EGF: variants seen among roughly 807,000 people sequenced by gnomAD.
EGF encodes the protein epidermal growth factor.
In EGF, 95 loss-of-function variants were observed where a neutral mutation model predicts 143.8. The ratio of observed to expected loss-of-function variants is 0.66; its 90% CI spans 0.56 to 0.78. The LOEUF is 0.78. Ranked by LOEUF, EGF falls within the 30% of genes least tolerant of loss-of-function variation. The pLI is 0.00. For synonymous variants in EGF, 510 were observed against 510.5 expected, an observed-to-expected ratio of 1.00 and a Z score of 0.01; for missense variants, 1,320 against 1,470.9, an observed-to-expected ratio of 0.90 and a Z score of 1.68.
intron 1 of EGF, among the ~76,000 whole-genome samples, chr4:109,926,343 A>C (rs900297344): frequency 6.8e-6 from 1 of 146,284 alleles, no homozygotes; most frequent in African/African-American, 2.5e-5. Flanking sequence ...ACAGAGTGAG[A>C]CACTGTCTTT....
At chr4:109,973,875 G>A (rs946636776) in intron 11 of EGF, among the ~76,000 whole-genome samples, 11 of 152,084 alleles carry the variant, frequency 7.2e-5, no homozygotes, top group African/African-American at 2.7e-4. Flanking sequence ...AGATTCCATT[G>A]GGTTATTTAA....
intron 10 of EGF, 100 bp from the exon 11 acceptor site, chr4:109,968,871 A>G (rs1747095098): frequency 1.3e-6 from 2 of 1,530,728 alleles, no homozygotes; most frequent in African/African-American, 2.7e-5. Flanking sequence ...TCCAAAGTCA[A>G]GCTCTTAACA....
intron 20 of EGF, among the ~76,000 whole-genome samples, chr4:109,997,018 G>T (rs1345135198): frequency 6.6e-6 from 1 of 151,330 alleles, no homozygotes; most frequent in African/African-American, 2.4e-5. Context: ...TTTTTCAGGA[G>T]ACCATCGTCT....
chr4:109,998,900 GATA>G (rs1239733491), intron 20 of EGF, among the ~76,000 whole-genome samples: 3 of 152,214 alleles, frequency 2.0e-5, no homozygotes, highest in African/African-American at 7.2e-5. Context: ...TTTTGCAAAG[GATA>G]ATAGAATACA....
At chr4:109,983,369 T>A (rs1749668791) in intron 15 of EGF, 53 bp from the exon 16 acceptor site, 1 of 1,596,080 alleles carries the variant, frequency 6.3e-7, no homozygotes, top group African/African-American at 1.3e-5. Flanking sequence ...AAATCAAACT[T>A]TTTTTTTGAA....
chr4:109,967,183 C>T (rs889247289), intron 10 of EGF, among the ~76,000 whole-genome samples: 2 of 152,096 alleles, frequency 1.3e-5, no homozygotes, highest in African/African-American at 2.4e-5. Flanking sequence ...CAGGCTTACA[C>T]CTAAGTGTTT....
intron 13 of EGF, among the ~76,000 whole-genome samples, chr4:109,979,581 G>A (rs1749020698): frequency 6.6e-6 from 1 of 152,182 alleles, no homozygotes; most frequent in Non-Finnish European, 1.5e-5. Flanking sequence ...GCTCAAAAGA[G>A]TAGGAACCTA....
chr4:109,913,235 C>T lies in EGF; in HGVS notation c.-101C>T. 6.6e-7 allele frequency: 1 copy of T among 1,508,870 alleles called. No homozygotes were observed. The highest frequency in any genetic ancestry group is 9.2e-7 in the Non-Finnish European group (1 of 1,092,450). 93.5% of individuals were successfully genotyped at this position (1,508,870 alleles called of 1,614,324 possible). A position where few individuals can be genotyped will look rare whatever the true frequency, so the allele number is the denominator to read the frequency against. ...AGATGCCCCAGGGCTGAGGCCTCCGCTCAGGCAGCCGCATCTGGGGTCAAT... is the reference window on the plus strand; with the variant it reads ...AGATGCCCCAGGGCTGAGGCCTCCGTTCAGGCAGCCGCATCTGGGGTCAAT... On this transcript the variant is annotated 5_prime_UTR_variant, in exon 1 of 24. Transcript: ENST00000265171.
chr4:109,916,231 T>C (rs1736631280), intron 1 of EGF, among the ~76,000 whole-genome samples: 2 of 152,166 alleles, frequency 1.3e-5, no homozygotes, highest in South Asian at 4.1e-4. Context: ...ATCCCAGTCA[T>C]GTGCAAACCA....
At chr4:109,925,667 G>T (rs1422134674) in intron 1 of EGF, among the ~76,000 whole-genome samples, 1 of 152,160 alleles carries the variant, frequency 6.6e-6, no homozygotes, top group Non-Finnish European at 1.5e-5. Flanking sequence ...GAAATGCTCA[G>T]AGAACTGTAA....
At chr4:109,973,792 C>T (rs1748042305) in intron 11 of EGF, among the ~76,000 whole-genome samples, 1 of 152,052 alleles carries the variant, frequency 6.6e-6, no homozygotes, top group Non-Finnish European at 1.5e-5. Flanking sequence ...CCCTGACACA[C>T]AGTTGGTGCT....
Position 110,012,542 on chromosome 4 carries a change from G to A in EGF, c.*1087G>A, listed in dbSNP as rs758675609. On this transcript the variant is annotated 3_prime_UTR_variant, in exon 24 of 24. Transcript: ENST00000265171. ...GCACAGGCCACCATGCCTGGCTAAG[G>A]TTTTTATTTTTATTTTTTGTAGACA... 2.6e-5 allele frequency among the ~76,000 whole-genome samples: 4 copies of A among 151,844 alleles called. No homozygotes were observed. The highest frequency in any genetic ancestry group is 5.9e-5 in the Non-Finnish European group (4 of 67,960).
intron 7 of EGF, among the ~76,000 whole-genome samples, chr4:109,961,556 C>A (rs577180292): frequency 3.3e-5 from 5 of 151,976 alleles, no homozygotes; most frequent in Admixed American, 3.3e-4. Context: ...CTATTGGGTA[C>A]TACATTTCAT....
chr4:110,013,698 C>A lies in EGF; in HGVS notation c.*2243C>A, dbSNP rs1042761499. ...ATTGAGCTTCTGTTTGACTAAATAT[C>A]ACCTACTATGTAAAAAATGAGCATA... On this transcript the variant is annotated 3_prime_UTR_variant, in exon 24 of 24. Transcript: ENST00000265171. 6.6e-6 allele frequency among the ~76,000 whole-genome samples: 1 copy of A among 152,028 alleles called. No homozygotes were observed. The highest frequency in any genetic ancestry group is 1.5e-5 in the Non-Finnish European group (1 of 68,024).
At chr4:109,952,225 T>C (rs1346286197) in intron 5 of EGF, among the ~76,000 whole-genome samples, 1 of 152,244 alleles carries the variant, frequency 6.6e-6, no homozygotes, top group Admixed American at 6.5e-5. Context: ...CTCATAGATA[T>C]TATGTTGTAA....
In EGF at chr4:109,923,353, A is replaced by G. The variant is rs1186485488; in HGVS notation, c.127+9891A>G. 1.3e-5 allele frequency among the ~76,000 whole-genome samples: 2 copies of G among 151,582 alleles called. 1 individual carries two copies. The highest frequency in any genetic ancestry group is 4.9e-5 in the African/African-American group (2 of 40,874). ...TTGTCTAGAACACTCAGGATATAGT[A>G]TCTATAGGCAAATATTTATGTGTTT... is the stretch of plus-strand genomic sequence containing the variant. On this transcript the variant is annotated intron_variant, in intron 1 of 23. Coordinates refer to ENST00000265171, the MANE Select transcript of EGF (RefSeq NM_001963.6).
In EGF at chr4:109,994,726, C is replaced by T; in HGVS notation, c.2858-7C>T. On this transcript the variant is annotated splice_region_variant and splice_polypyrimidine_tract_variant and intron_variant, in intron 19 of 23. Transcript: ENST00000265171. ...GAAAGTAAAAGTAATGTCTTGGGTTCTTTTAGACTCTACTCCACCCCCTCA... is the reference window on the plus strand; with the variant it reads ...GAAAGTAAAAGTAATGTCTTGGGTTTTTTTAGACTCTACTCCACCCCCTCA... 6.2e-7 allele frequency: 1 copy of T among 1,613,828 alleles called. No individual in the cohort carries two copies. The highest frequency in any genetic ancestry group is 8.5e-7 in the Non-Finnish European group (1 of 1,179,942).
intron 5 of EGF, among the ~76,000 whole-genome samples, chr4:109,952,639 T>C (rs184422016): frequency 7.1e-4 from 108 of 152,362 alleles, no homozygotes; most frequent in Non-Finnish European, 1.3e-3. Flanking sequence ...CATAAAATTC[T>C]GTTATTCTTC....
chr4:109,972,738 T>C (rs1747860153), intron 11 of EGF, among the ~76,000 whole-genome samples: 1 of 152,220 alleles, frequency 6.6e-6, no homozygotes, highest in Admixed American at 6.5e-5. Context: ...CAACCCAGCA[T>C]AGTCACTGAG....
Sources: gnomAD v4.1 joint callset for allele counts (sites outside exome capture counted in the v4.1 genomes callset) on GRCh38, gnomAD v4.1.1 for gene constraint, MANE v1.5 for transcripts, NCBI Gene and HGNC (gene_info 2026-07-23, HGNC 2026-07-21) for gene names.